NCKAP5: variants seen among roughly 807,000 people sequenced by gnomAD.
NCKAP5 encodes the protein nck-associated protein 5.
Under a neutral mutation model 167.0 loss-of-function variants are expected in NCKAP5, and 92 were observed. The ratio of observed to expected loss-of-function variants is 0.55; its 90% CI spans 0.47 to 0.66. The LOEUF (loss-of-function observed/expected upper bound fraction) is 0.66. NCKAP5 is among the 30% of genes least tolerant of loss of function. NCKAP5 has a pLI of 0.00. For missense variants in NCKAP5, 2,378 were observed against 2,315.0 expected, an observed-to-expected ratio of 1.03 and a Z score of -0.56; for synonymous variants, 891 against 877.4, an observed-to-expected ratio of 1.02 and a Z score of -0.27.
chr2:133,488,132 G>T (rs1385435817), intron 3 of NCKAP5, among the ~76,000 whole-genome samples: 1 of 152,154 alleles, frequency 6.6e-6, no homozygotes, highest in Non-Finnish European at 1.5e-5. Flanking sequence ...AGTTGTCAAA[G>T]TGCATAGCAC....
At chr2:133,526,807 A>C (rs987261687) in intron 2 of NCKAP5, among the ~76,000 whole-genome samples, 28 of 152,164 alleles carry the variant, frequency 1.8e-4, no homozygotes, top group Admixed American at 6.5e-5. Context: ...TGAACTCCTA[A>C]AGGGAAGGTC....
chr2:133,423,711 T>C (rs1473675745), intron 3 of NCKAP5, among the ~76,000 whole-genome samples: 1 of 152,202 alleles, frequency 6.6e-6, no homozygotes, highest in Admixed American at 6.5e-5. Context: ...ATTTTTCAAA[T>C]AATATTATGC....
At chr2:133,208,324 C>A (rs997189238) in intron 5 of NCKAP5, among the ~76,000 whole-genome samples, 12 of 152,022 alleles carry the variant, frequency 7.9e-5, no homozygotes, top group East Asian at 1.9e-4. Flanking sequence ...GGCAACAGAG[C>A]GAGACCCTAT....
chr2:132,923,727 G>C (rs1695623332), intron 8 of NCKAP5, among the ~76,000 whole-genome samples: 2 of 152,042 alleles, frequency 1.3e-5, no homozygotes. Context: ...GATCTTTAAA[G>C]GTACTGTTAG....
rs1028897093 is a variant in NCKAP5 at position 133,469,379 on chromosome 2, C to T, written c.69+48079G>A. Among the ~76,000 whole-genome samples, 31 of 151,596 alleles carry T rather than the reference C, an allele frequency of 2.0e-4. 1 individual carries two copies. Among genetic ancestry groups the T allele is most frequent in the Admixed American group, 1.6e-3 (24 of 15,210 alleles). ...CTTGTAGGGTTTCTGCCGAGAGATC[C>T]GCTGTTAGTCTTATGGGCTTCCCTT... is the stretch of plus-strand genomic sequence containing the variant. On this transcript the variant is annotated intron_variant, in intron 3 of 19. Transcript: ENST00000409261.
chr2:132,925,825 G>T (rs1695840088), intron 8 of NCKAP5, among the ~76,000 whole-genome samples: 1 of 152,076 alleles, frequency 6.6e-6, no homozygotes, highest in South Asian at 2.1e-4. Context: ...GTAAGGTAGG[G>T]GATACAAAGT....
rs79966692 is a variant in NCKAP5 at position 132,818,260 on chromosome 2, C to G, written c.808-21531G>C. Among the ~76,000 whole-genome samples, 19 of 152,330 alleles carry G rather than the reference C, an allele frequency of 1.2e-4. No homozygotes were observed. The East Asian group carries it at 3.5e-3, about 28-fold the overall frequency. On this transcript the variant is annotated intron_variant, in intron 11 of 19. Transcript: ENST00000409261. ...ATTACCGGTGTGACACCATACCCAG[C>G]CCTAATGCTAAATTCTGTATAGGAA...
chr2:133,598,183 G>A, the NCKAP5 span, among the ~76,000 whole-genome samples: 31 of 152,312 alleles, frequency 2.0e-4, no homozygotes, highest in African/African-American at 7.5e-4. Context: ...TCAGATTGCT[G>A]TGAGGATTAA....
intron 5 of NCKAP5, among the ~76,000 whole-genome samples, chr2:133,147,080 C>T (rs1376179350): frequency 1.3e-5 from 2 of 152,066 alleles, no homozygotes; most frequent in African/African-American, 4.8e-5. Context: ...TTTTTTGATC[C>T]AAGATAGCAC....
intron 3 of NCKAP5, among the ~76,000 whole-genome samples, chr2:133,382,600 G>A (rs1686605475): frequency 6.6e-6 from 1 of 152,050 alleles, no homozygotes; most frequent in African/African-American, 2.4e-5. Context: ...TCCTCTTTCT[G>A]GAGCCATCTG....
intron 8 of NCKAP5, among the ~76,000 whole-genome samples, chr2:132,918,556 A>G (rs907465175): frequency 6.6e-6 from 1 of 152,226 alleles, no homozygotes; most frequent in African/African-American, 2.4e-5. Context: ...TCCAACTAAA[A>G]TATAACACTA....
At chr2:132,969,412 T>C (rs546457047) in intron 7 of NCKAP5, among the ~76,000 whole-genome samples, 2 of 152,272 alleles carry the variant, frequency 1.3e-5, no homozygotes, top group South Asian at 4.1e-4. Context: ...CCTGAATTCT[T>C]AGAGAACAAG....
chr2:132,954,803 C>T, intron 8 of NCKAP5: 1 of 416,370 alleles, frequency 2.4e-6, no homozygotes, highest in Non-Finnish European at 4.8e-6. Flanking sequence ...TTCCAATTTT[C>T]TGTAATGTGA....
chr2:133,443,287 A>G (rs917798509), intron 3 of NCKAP5, among the ~76,000 whole-genome samples: 2 of 152,014 alleles, frequency 1.3e-5, no homozygotes, highest in East Asian at 1.9e-4. Flanking sequence ...GCCTGGTTCC[A>G]CTTTCTGTTG....
intron 4 of NCKAP5, among the ~76,000 whole-genome samples, chr2:133,285,574 T>C (rs1679053353): frequency 1.3e-5 from 2 of 152,180 alleles, no homozygotes; most frequent in African/African-American, 2.4e-5. Flanking sequence ...ATAGTGGAAT[T>C]GGATTTCTGG....
intron 8 of NCKAP5, among the ~76,000 whole-genome samples, chr2:132,920,926 C>T (rs1012820333): frequency 2.7e-5 from 4 of 149,364 alleles, no homozygotes; most frequent in Non-Finnish European, 5.9e-5. Context: ...GACAATTCTA[C>T]TTGATTGAGA....
Position 132,784,123 on chromosome 2 carries a change from C to A in NCKAP5, c.2688G>T (p.Arg896=), listed in dbSNP as rs775136208. 445 of 1,522,808 alleles carry A rather than the reference C, an allele frequency of 2.9e-4. No homozygotes were observed. Among genetic ancestry groups the A allele is most frequent in the Middle Eastern group, 3.6e-4 (2 of 5,624 alleles). The allele number at this position is 1,522,808 out of a possible 1,614,324, so 94.3% of individuals were successfully genotyped here. Residue 896 remains arginine (R), a synonymous_variant, in exon 14 of 20, where the codon CGG becomes CGT. Coordinates refer to ENST00000409261, the MANE Select transcript of NCKAP5 (RefSeq NM_207363.3). ...CACTAGACTCAATGGCAGGCCTTGACCGTGACCCTGGAGTCTGACTCTTGG... is the reference window on the plus strand; with the variant it reads ...CACTAGACTCAATGGCAGGCCTTGAACGTGACCCTGGAGTCTGACTCTTGG... ...QCPKSQTPGS[R]SRPAIESSDS...
chr2:133,276,561 A>G (rs2089738412), intron 4 of NCKAP5, among the ~76,000 whole-genome samples: 1 of 147,906 alleles, frequency 6.8e-6, no homozygotes, highest in Non-Finnish European at 1.5e-5. Flanking sequence ...CAACTCTTCT[A>G]GAAAAAAAAA....
chr2:133,391,701 C>T (rs1687422280), intron 3 of NCKAP5, among the ~76,000 whole-genome samples: 2 of 152,180 alleles, frequency 1.3e-5, no homozygotes, highest in South Asian at 4.1e-4. Context: ...CTCACCATTT[C>T]TCTGTAAGGT....
Sources: allele counts gnomAD v4.1 joint callset (sites outside exome capture counted in the v4.1 genomes callset), GRCh38; gene constraint gnomAD v4.1.1; transcripts MANE v1.5; gene names NCBI Gene and HGNC (gene_info 2026-07-23, HGNC 2026-07-21).